Variants in DOCK2 observed in about 807,000 individuals in gnomAD.
DOCK2 encodes dedicator of cytokinesis protein 2.
In DOCK2, 87 loss-of-function variants were observed where a neutral mutation model predicts 248.9. The ratio of observed to expected loss-of-function variants is 0.35; its 90% confidence interval spans 0.29 to 0.42. DOCK2 has a LOEUF of 0.42. DOCK2 is among the 10% of genes least tolerant of loss of function. The pLI is 1.00. For missense variants in DOCK2, 1,747 were observed against 2,300.2 expected (o/e 0.76, Z 4.92); for synonymous variants, 805 against 821.6 (o/e 0.98, Z 0.35).
At chr5:170,015,977 C>A (rs1755525897) in intron 32 of DOCK2, among the ~76,000 whole-genome samples, 1 of 151,922 alleles carries the variant, frequency 6.6e-6, no homozygotes, top group African/African-American at 2.4e-5. Context: ...TCCTCAGTGC[C>A]CTCAGATCCT....
chr5:169,698,460 T>C lies in DOCK2; in HGVS notation c.1055+11T>C. 1 of 1,613,760 alleles carries C rather than the reference T, an allele frequency of 6.2e-7. No homozygotes were observed. The highest frequency in any genetic ancestry group is 1.1e-5 in the South Asian group (1 of 91,084). ...CATTCCTTTTCACCCGTAAGACATT[T>C]CCCATTTCTTTCCATTCTCTTCAAC... On this transcript the variant is annotated intron_variant, in intron 11 of 51. Coordinates refer to ENST00000520908, the MANE Select transcript of DOCK2 (RefSeq NM_004946.3).
chr5:169,668,866 C>T (rs1185258941), intron 2 of DOCK2, among the ~76,000 whole-genome samples: 1 of 152,132 alleles, frequency 6.6e-6, no homozygotes, highest in Admixed American at 6.5e-5. Context: ...AGGAGCATTT[C>T]TTTGTCCCGA....
At chr5:170,014,663 G>C (rs1043672917) in intron 32 of DOCK2, among the ~76,000 whole-genome samples, 2 of 115,784 alleles carry the variant, frequency 1.7e-5, no homozygotes, top group Non-Finnish European at 3.4e-5. Flanking sequence ...TGGAGGGGGG[G>C]TCCAGGAGAG....
rs527927129 is a variant in DOCK2 at position 169,983,267 on chromosome 5, G to C, written c.2898+101G>C. The C allele has an allele frequency of 1.5e-5, 19 of 1,242,708 alleles. No individual in the cohort carries two copies. The African/African-American group carries it at 1.8e-4, about 12-fold the overall frequency. The allele number at this position is 1,242,708 out of a possible 1,614,324, so 77.0% of individuals were successfully genotyped here. On this transcript the variant is annotated intron_variant, in intron 28 of 51. Transcript: ENST00000520908. ...ACCTGCCTGTCTATCACATAATCTA[G>C]ATATGACTTAACCAATATTTGTTGA... is the stretch of plus-strand genomic sequence containing the variant.
At chr5:169,674,821 C>G (rs10475919) in intron 6 of DOCK2, among the ~76,000 whole-genome samples, 3,145 of 152,270 alleles carry the variant, frequency 0.021, 118 homozygotes, top group African/African-American at 0.07. Context: ...GTCTCTTCCC[C>G]CATCCTAAAG....
chr5:169,915,633 A>G (rs1031060053), intron 27 of DOCK2, among the ~76,000 whole-genome samples: 7 of 152,058 alleles, frequency 4.6e-5, no homozygotes, highest in Non-Finnish European at 7.4e-5. Context: ...AGAGACAGAG[A>G]CAGACAGAGA....
At chr5:170,027,980 C>T in intron 34 of DOCK2, 32 bp downstream of exon 34, 1 of 1,588,996 alleles carries the variant, frequency 6.3e-7, no homozygotes. Context: ...TAGGAACAGC[C>T]TGTGAAGGTC....
intron 27 of DOCK2, among the ~76,000 whole-genome samples, chr5:169,845,531 T>C (rs1770253225): frequency 6.6e-6 from 1 of 152,190 alleles, no homozygotes; most frequent in Non-Finnish European, 1.5e-5. Flanking sequence ...AGTGAGTGAA[T>C]AAGTGAAATA....
In DOCK2 at chr5:169,993,591, T is replaced by A. The variant is rs916466334; in HGVS notation, c.2994-2495T>A. 2.8e-4 allele frequency among the ~76,000 whole-genome samples: 36 copies of A among 130,360 alleles called. 1 individual carries two copies. Among genetic ancestry groups the A allele is most frequent in the African/African-American group, 8.5e-4 (30 of 35,238 alleles). The allele number at this position is 130,360 out of a possible 152,430, so 85.5% of individuals were successfully genotyped here. ...TGTGTGTGTGTCCAAATCCTGTGAT[T>A]CCAGTGCCAGGATACACTGTCTTCC... On this transcript the variant is annotated intron_variant, in intron 29 of 51. Transcript: ENST00000520908.
intron 22 of DOCK2, among the ~76,000 whole-genome samples, chr5:169,727,608 G>A (rs895667207): frequency 2.0e-5 from 3 of 152,190 alleles, no homozygotes; most frequent in Admixed American, 6.5e-5. Flanking sequence ...CTCTTAGAGA[G>A]CACACAGTGA....
chr5:170,017,541 A>C (rs1400793806), intron 32 of DOCK2, among the ~76,000 whole-genome samples: 3 of 152,204 alleles, frequency 2.0e-5, no homozygotes, highest in Admixed American at 2.0e-4. Context: ...TTGACCAAAC[A>C]TCACAAAGAT....
At chr5:170,053,555 G>T (rs7700885) in intron 41 of DOCK2, among the ~76,000 whole-genome samples, 1 of 152,058 alleles carries the variant, frequency 6.6e-6, no homozygotes, top group African/African-American at 2.4e-5. Context: ...AGATTTGACC[G>T]CAGGGCCATA....
chr5:169,696,917 CA>C (rs1408551248), intron 10 of DOCK2, among the ~76,000 whole-genome samples: 15 of 151,802 alleles, frequency 9.9e-5, no homozygotes, highest in Admixed American at 8.5e-4. Context: ...TTATTATGTG[CA>C]AAATGAAGGA....
At chr5:169,663,086 T>A (rs542651544) in intron 2 of DOCK2, among the ~76,000 whole-genome samples, 95 of 152,316 alleles carry the variant, frequency 6.2e-4, no homozygotes, top group African/African-American at 2.1e-3. Flanking sequence ...TCTCTCATTC[T>A]GAAAAGGAGA....
intron 27 of DOCK2, among the ~76,000 whole-genome samples, chr5:169,867,088 GA>G (rs1561777874): frequency 5.3e-5 from 8 of 152,230 alleles, no homozygotes; most frequent in African/African-American, 1.9e-4. Context: ...AGAACTCAGG[GA>G]AACACTTCCT....
At chr5:169,951,570 G>A (rs1319705564) in intron 27 of DOCK2, among the ~76,000 whole-genome samples, 1 of 152,198 alleles carries the variant, frequency 6.6e-6, no homozygotes, top group Non-Finnish European at 1.5e-5. Context: ...ACCCTGATCA[G>A]ACCAGTGCAC....
At position 169,822,893 on chromosome 5, in the gene DOCK2, G is replaced by A. The variant is rs374363354; in HGVS notation, c.2704-17864G>A. On this transcript the variant is annotated intron_variant, in intron 26 of 51. Coordinates refer to ENST00000520908, the MANE Select transcript of DOCK2 (RefSeq NM_004946.3). ...ACTAGCAAGACTAATAAAGAGGAAA[G>A]GAGGGAAGAATCCAATAGACACAAT... Among the ~76,000 whole-genome samples, 208 of 152,112 alleles carry A rather than the reference G, an allele frequency of 1.4e-3. 6 individuals carry two copies. In the South Asian group the frequency reaches 0.041, roughly 30 times the overall value.
Position 170,067,724 on chromosome 5 carries a change from T to G in DOCK2, c.4644+38T>G, listed in dbSNP as rs200753133. Reference sequence around the variant, plus strand: ...GTTCTCCAAGTCTAGGGGAGCTCGGTGAGCAGAGCAGTGGTGGGAGGACCC... The same window carrying G: ...GTTCTCCAAGTCTAGGGGAGCTCGGGGAGCAGAGCAGTGGTGGGAGGACCC... On this transcript the variant is annotated intron_variant, in intron 45 of 51. Transcript: ENST00000520908. 872 of 1,609,076 alleles carry G rather than the reference T, an allele frequency of 5.4e-4. 6 individuals are homozygous for G. Among genetic ancestry groups the G allele is most frequent in the Non-Finnish European group, 4.0e-5 (47 of 1,176,966 alleles).
intron 27 of DOCK2, among the ~76,000 whole-genome samples, chr5:169,959,254 G>T (rs759809802): frequency 3.3e-5 from 5 of 151,954 alleles, no homozygotes; most frequent in Admixed American, 3.3e-4. Flanking sequence ...ATAGCTGGGC[G>T]TGGTGGTGCA....
Sources: gnomAD v4.1 joint callset for allele counts (sites outside exome capture counted in the v4.1 genomes callset) on GRCh38, gnomAD v4.1.1 for gene constraint, MANE v1.5 for transcripts, NCBI Gene and HGNC (gene_info 2026-07-23, HGNC 2026-07-21) for gene names.